The following SLC19A1 variants were observed in gnomAD, a reference collection of about 807,000 sequenced individuals.
The protein encoded by SLC19A1 is solute carrier family 19 member 1.
In SLC19A1, 37 loss-of-function variants were observed where a neutral mutation model predicts 35.3. That is an observed-to-expected ratio of 1.05 (90% CI 0.81 to 1.38). The LOEUF is 1.38. Among genes scored for constraint, SLC19A1 ranks in the 40% most tolerant of loss-of-function variants. SLC19A1 has a pLI of 0.00. For synonymous variants in SLC19A1, 460 were observed against 398.5 expected (o/e 1.15, Z -1.84); for missense variants, 831 against 826.9 (o/e 1.00, Z -0.06).
chr21:45,505,793 C>CGCCCTCCCT (rs1568943906), intron 3 of SLC19A1: 2 of 1,428,026 alleles, frequency 1.4e-6, no homozygotes, highest in Admixed American at 1.8e-5. Context: ...CCCTGCCCCC[C>CGCCCTCCCT]GCCCTCCCCG....
At position 45,533,045 on chromosome 21, in the gene SLC19A1, G is replaced by A. The variant is rs564480173; in HGVS notation, c.190-897C>T. 1.3e-3 allele frequency among the ~76,000 whole-genome samples: 195 copies of A among 152,304 alleles called. No homozygotes were observed. The highest frequency in any genetic ancestry group is 2.7e-3 in the South Asian group (13 of 4,830). On this transcript the variant is annotated intron_variant, in intron 2 of 5. Transcript: ENST00000311124. The surrounding 1 kb of genome is among the most constrained non-coding windows in gnomAD (Gnocchi z 4.5). ...CATCTCACACTTGTCCCCAGAGCAAGGTCTTTAAGGCCAGACTCCAACCCA... is the reference window on the plus strand; with the variant it reads ...CATCTCACACTTGTCCCCAGAGCAAAGTCTTTAAGGCCAGACTCCAACCCA...
chr21:45,525,660 C>CT (rs1319978035), intron 5 of SLC19A1, among the ~76,000 whole-genome samples, 157 bp downstream of exon 5: 1 of 152,240 alleles, frequency 6.6e-6, no homozygotes, highest in Non-Finnish European at 1.5e-5. Context: ...TCACTTCCTG[C>CT]TCTCGCTGGC....
At chr21:45,523,570 C>A (rs1208681567) in intron 5 of SLC19A1, among the ~76,000 whole-genome samples, 1 of 152,234 alleles carries the variant, frequency 6.6e-6, no homozygotes, top group South Asian at 2.1e-4. Flanking sequence ...GGGGTCCCCT[C>A]CACAGGGCAG....
At chr21:45,527,033 C>T (rs1016378254) in intron 4 of SLC19A1, among the ~76,000 whole-genome samples, 3 of 152,256 alleles carry the variant, frequency 2.0e-5, no homozygotes, top group African/African-American at 7.2e-5. Flanking sequence ...AACCTCTGGG[C>T]ACAGACAGAA....
downstream of SLC19A1, among the ~76,000 whole-genome samples, chr21:45,510,474 C>T (rs73907570): frequency 1.2e-3 from 186 of 152,286 alleles, 1 homozygote; most frequent in African/African-American, 4.1e-3. Context: ...TGCCACGTCC[C>T]CCAGGGCATC....
At chr21:45,541,915 AC>A (rs2078318111) in intron 1 of SLC19A1, 1 of 152,080 alleles carries the variant, frequency 6.6e-6, no homozygotes, top group Non-Finnish European at 1.5e-5. Context: ...GGGACTCCCC[AC>A]CCCATTCGCA....
chr21:45,518,231 G>C (rs1480070245), intron 5 of SLC19A1, among the ~76,000 whole-genome samples: 1 of 152,052 alleles, frequency 6.6e-6, no homozygotes, highest in Non-Finnish European at 1.5e-5. Context: ...AAAACTTAAT[G>C]AATCATCTCA....
chr21:45,506,418 C>T (rs2037207987), intron 3 of SLC19A1: 1 of 321,552 alleles, frequency 3.1e-6, no homozygotes, highest in Admixed American at 4.4e-5. Flanking sequence ...GAAATGCATC[C>T]TCTCTGCTTA....
chr21:45,509,681 A>G (rs77278851), downstream of SLC19A1: 2,579 of 834,452 alleles, frequency 3.1e-3, 49 homozygotes, highest in African/African-American at 0.038. Context: ...GCCCCTGCAG[A>G]GCTGCTGGGG....
downstream of SLC19A1, chr21:45,509,624 C>A: frequency 7.6e-7 from 1 of 1,309,168 alleles, no homozygotes; most frequent in Non-Finnish European, 1.1e-6. Flanking sequence ...CCAAAGTGGG[C>A]TTGGCTCCAT....
chr21:45,551,012 C>T lies in SLC19A1; in HGVS notation c.-50+11730G>A, dbSNP rs889216796. Among the ~76,000 whole-genome samples the T allele has an allele frequency of 4.0e-5, 6 of 150,864 alleles. No homozygotes were observed. The South Asian group carries it at 1.3e-3, about 32-fold the overall frequency. On this transcript the variant is annotated intron_variant, in intron 1 of 5. Transcript: ENST00000650808. ...TCCTCCCCACAACACCCACTTCCTC[C>T]TCTACCTTCCCCCTTGTCTTAGTCC...
intron 3 of SLC19A1, chr21:45,506,826 T>C: frequency 1.2e-5 from 2 of 164,874 alleles, no homozygotes; most frequent in Non-Finnish European, 1.3e-5. Context: ...TCCCTCCCTC[T>C]CGCCACCGGC....
At chr21:45,505,069 A>G (rs2037109746) in intron 3 of SLC19A1, 3 of 1,573,362 alleles carry the variant, frequency 1.9e-6, no homozygotes, top group Non-Finnish European at 1.7e-6. Context: ...GCAGCCCCAC[A>G]AGCTTGCCCG....
rs2077842936 is a variant in SLC19A1 at position 45,530,704 on chromosome 21, C to T, written c.1151+66G>A. ...GGCGCAGCAGGAAGGTGGGAGCACC[C>T]AGCGAAGCGCGGGGCTTGATCCTGG... On this transcript the variant is annotated intron_variant, in intron 4 of 5. Transcript: ENST00000311124. This position sits in a 1 kb window ranked among gnomAD's most constrained non-coding sequence, Gnocchi z 5.3. 5 of 1,485,520 alleles carry T rather than the reference C, an allele frequency of 3.4e-6. 1 individual carries two copies. The South Asian group carries it at 4.9e-5, about 15-fold the overall frequency. The allele number at this position is 1,485,520 out of a possible 1,614,324, so 92.0% of individuals were successfully genotyped here. A position where few individuals can be genotyped will look rare whatever the true frequency, so the allele number is the denominator to read the frequency against.
intron 1 of SLC19A1, among the ~76,000 whole-genome samples, chr21:45,557,748 G>A (rs914765756): frequency 3.3e-5 from 5 of 152,130 alleles, no homozygotes; most frequent in African/African-American, 9.7e-5. Context: ...GGTGACTCTC[G>A]GGGATGCTAG....
downstream of SLC19A1, among the ~76,000 whole-genome samples, chr21:45,509,903 G>A (rs2037472077): frequency 6.6e-6 from 1 of 152,154 alleles, no homozygotes; most frequent in Non-Finnish European, 1.5e-5. Context: ...AGCGTATGGG[G>A]GCTGCTGCCT....
In SLC19A1 at chr21:45,530,745, G is replaced by A. The variant is rs779275694; in HGVS notation, c.1151+25C>T. On this transcript the variant is annotated intron_variant, in intron 4 of 5. Transcript: ENST00000311124. The surrounding 1 kb of genome is among the most constrained non-coding windows in gnomAD (Gnocchi z 5.3). The stretch of plus-strand genomic sequence containing the variant: ...TTGATCCTGGCGCCTGCCCGCCCCC[G>A]GCTTCCCACCCTTCTGGAACTCACG... The A allele has an allele frequency of 5.2e-6, 8 of 1,546,362 alleles. No individual in the cohort carries two copies. The highest frequency in any genetic ancestry group is 4.8e-5 in the South Asian group (4 of 83,990).
intron 3 of SLC19A1, chr21:45,507,124 GGC>G (rs2037255778): frequency 4.9e-6 from 1 of 205,882 alleles, no homozygotes; most frequent in Non-Finnish European, 9.2e-6. Context: ...CTGGGTGCTG[GGC>G]AGGGAGGGCA....
chr21:45,526,102 C>T, intron 4 of SLC19A1, 144 bp from the exon 5 acceptor site: 1 of 825,750 alleles, frequency 1.2e-6, no homozygotes, highest in Non-Finnish European at 1.9e-6. Flanking sequence ...CCCCACCAGG[C>T]CCCCATCTCT....
Sources: gnomAD v4.1 joint callset for allele counts (sites outside exome capture counted in the v4.1 genomes callset) on GRCh38, gnomAD v4.1.1 for gene constraint, Gnocchi (gnomAD v3.1) non-coding constraint, MANE v1.5 for transcripts, NCBI Gene and HGNC (gene_info 2026-07-23, HGNC 2026-07-21) for gene names.